Variants in CSMD1 observed in about 807,000 individuals in gnomAD.
The protein encoded by CSMD1 is CUB and sushi domain-containing protein 1.
A neutral mutation model predicts 417.5 loss-of-function variants in CSMD1; 213 were observed. That is an observed-to-expected ratio of 0.51 (90% CI 0.46 to 0.57). The LOEUF is 0.57. Ranked by LOEUF, CSMD1 falls within the 20% of genes least tolerant of loss-of-function variation. The probability of loss-of-function intolerance (pLI) is 0.00; values close to 1 mark genes in which losing one functional copy is unlikely to be tolerated. For synonymous variants in CSMD1, 2,862 were observed against 1,736.8 expected, an observed-to-expected ratio of 1.65 and a Z score of -16.11; for missense variants, 6,923 against 4,529.7, an observed-to-expected ratio of 1.53 and a Z score of -15.17.
intron 12 of CSMD1, among the ~76,000 whole-genome samples, chr8:3,411,138 G>C (rs572427046): frequency 6.6e-6 from 1 of 152,250 alleles, no homozygotes; most frequent in East Asian, 1.9e-4. Context: ...GAGACCTGGT[G>C]TCATCTGACT....
At chr8:3,028,043 C>T (rs1013642347) in intron 51 of CSMD1, among the ~76,000 whole-genome samples, 14 of 152,158 alleles carry the variant, frequency 9.2e-5, no homozygotes, top group African/African-American at 1.7e-4. Context: ...ACAGGGACAC[C>T]GTAGGTGGGC....
chr8:3,369,795 C>A (rs142372058), intron 18 of CSMD1, among the ~76,000 whole-genome samples: 4 of 152,302 alleles, frequency 2.6e-5, no homozygotes, highest in Admixed American at 1.3e-4. Flanking sequence ...TTTATGTAAT[C>A]ATTTCAATGG....
intron 5 of CSMD1, among the ~76,000 whole-genome samples, chr8:3,976,038 T>C (rs1051420015): frequency 6.6e-6 from 1 of 152,168 alleles, no homozygotes; most frequent in Non-Finnish European, 1.5e-5. Context: ...ATTCAATATA[T>C]ACTGATTGAA....
chr8:3,215,516 A>T (rs1421606572), intron 29 of CSMD1, among the ~76,000 whole-genome samples: 1 of 152,228 alleles, frequency 6.6e-6, no homozygotes, highest in African/African-American at 2.4e-5. Flanking sequence ...AAGTTAAGTC[A>T]CTTCCACAAA....
intron 3 of CSMD1, among the ~76,000 whole-genome samples, chr8:4,248,123 TAAAC>T (rs1802822842): frequency 6.6e-6 from 1 of 152,154 alleles, no homozygotes. Flanking sequence ...TTATTTTTTT[TAAAC>T]AAATGGGCTA....
chr8:3,878,131 C>G (rs1234269122), intron 5 of CSMD1, among the ~76,000 whole-genome samples: 2 of 152,118 alleles, frequency 1.3e-5, no homozygotes, highest in Non-Finnish European at 2.9e-5. Context: ...GCCCACATTC[C>G]TTTCCTTTTG....
rs1182066839 is a variant in CSMD1 at position 3,175,483 on chromosome 8, T to TCCTTCCTG, written c.5725+5626_5725+5627insCAGGAAGG. On this transcript the variant is annotated intron_variant, in intron 37 of 69. Transcript: ENST00000635120. ...CTTTCCTTCCTTCTTTTCCCTTCCT[T>TCCTTCCTG]CCTGCCTGCCTGCCTGCCTGCCTGC... Among the ~76,000 whole-genome samples, 217 of 121,652 alleles carry TCCTTCCTG rather than the reference T, an allele frequency of 1.8e-3. 1 individual carries two copies. Among genetic ancestry groups the TCCTTCCTG allele is most frequent in the Admixed American group, 2.5e-3 (28 of 11,048 alleles). 79.8% of individuals were successfully genotyped at this position (121,652 alleles called of 152,430 possible).
In CSMD1 at chr8:3,453,673, G is replaced by T. The variant is rs192730258; in HGVS notation, c.1561+15039C>A. On this transcript the variant is annotated intron_variant, in intron 12 of 69. Transcript: ENST00000635120. ...GTAGTTTTATTGCACTGTGGTCTGA[G>T]AGACAGTTTGTTATAATTTCTGTAC... Among the ~76,000 whole-genome samples, 1,346 of 152,312 alleles carry T rather than the reference G, an allele frequency of 8.8e-3. 4 individuals carry two copies. Among genetic ancestry groups the T allele is most frequent in the Non-Finnish European group, 0.015 (1,027 of 68,028 alleles).
chr8:3,595,867 A>G (rs1311153062), intron 8 of CSMD1, among the ~76,000 whole-genome samples: 4 of 152,202 alleles, frequency 2.6e-5, no homozygotes, highest in African/African-American at 9.6e-5. Context: ...TGAACGTGGA[A>G]GAGGGTTTGG....
intron 2 of CSMD1, among the ~76,000 whole-genome samples, chr8:4,578,878 T>C (rs1799273275): frequency 2.0e-5 from 3 of 150,876 alleles, no homozygotes; most frequent in Admixed American, 2.0e-4. Flanking sequence ...AAGGCACATT[T>C]TACTAGATCA....
At position 3,187,977 on chromosome 8, in the gene CSMD1, T is replaced by C. The variant is rs1463576869; in HGVS notation, c.5524-12A>G. On this transcript the variant is annotated splice_polypyrimidine_tract_variant and intron_variant, in intron 35 of 69. Coordinates refer to ENST00000635120, the MANE Select transcript of CSMD1 (RefSeq NM_033225.6). ...CTGATCACTTGGATCTACCAAACCA[T>C]GACATTAAGTTAATATTTATTTTTG... 5.0e-6 allele frequency: 8 copies of C among 1,607,388 alleles called. No individual in the cohort carries two copies. The highest frequency in any genetic ancestry group is 6.8e-6 in the Non-Finnish European group (8 of 1,176,272).
At chr8:3,632,885 T>C (rs1796853486) in intron 7 of CSMD1, among the ~76,000 whole-genome samples, 1 of 152,220 alleles carries the variant, frequency 6.6e-6, no homozygotes, top group Admixed American at 6.5e-5. Context: ...GGAAGTTCTC[T>C]GAGAATGGCA....
At chr8:3,234,377 T>G (rs1799027178) in intron 26 of CSMD1, among the ~76,000 whole-genome samples, 1 of 152,200 alleles carries the variant, frequency 6.6e-6, no homozygotes, top group African/African-American at 2.4e-5. Flanking sequence ...ACTTATTTCT[T>G]AAACACTGGC....
intron 23 of CSMD1, among the ~76,000 whole-genome samples, chr8:3,338,710 A>C (rs1807438173): frequency 2.0e-5 from 3 of 151,992 alleles, no homozygotes; most frequent in African/African-American, 7.3e-5. Flanking sequence ...TTTCCAGAGA[A>C]AGGGCTTTAT....
At chr8:3,684,606 T>A (rs893672637) in intron 7 of CSMD1, among the ~76,000 whole-genome samples, 6 of 149,420 alleles carry the variant, frequency 4.0e-5, no homozygotes, top group Non-Finnish European at 8.9e-5. Context: ...CTTTTTTTTT[T>A]TTTTTTTTTT....
chr8:3,811,840 G>C (rs935354863), intron 5 of CSMD1, among the ~76,000 whole-genome samples: 1 of 152,134 alleles, frequency 6.6e-6, no homozygotes, highest in African/African-American at 2.4e-5. Context: ...ATCTCCATTA[G>C]CCAACACATT....
At chr8:3,299,455 A>C (rs1804222093) in intron 25 of CSMD1, among the ~76,000 whole-genome samples, 1 of 152,170 alleles carries the variant, frequency 6.6e-6, no homozygotes, top group Non-Finnish European at 1.5e-5. Context: ...TTTGTCTCAA[A>C]AAAAAAGGAA....
chr8:3,407,311 A>G (rs1311650125), intron 14 of CSMD1, among the ~76,000 whole-genome samples: 1 of 151,984 alleles, frequency 6.6e-6, no homozygotes, highest in Non-Finnish European at 1.5e-5. Flanking sequence ...AGACGGAATA[A>G]TGGATGAATG....
intron 1 of CSMD1, among the ~76,000 whole-genome samples, chr8:4,986,029 G>A (rs770913327): frequency 1.3e-5 from 2 of 152,116 alleles, no homozygotes; most frequent in African/African-American, 2.4e-5. Flanking sequence ...TGCAATGCTC[G>A]ACTATCCCAG....
Sources: allele counts gnomAD v4.1 joint callset (sites outside exome capture counted in the v4.1 genomes callset), GRCh38; gene constraint gnomAD v4.1.1; transcripts MANE v1.5; gene names NCBI Gene and HGNC (gene_info 2026-07-23, HGNC 2026-07-21).